The following ANKRD29 variants were observed in gnomAD, a reference collection of about 807,000 sequenced individuals.
The protein encoded by ANKRD29 is ankyrin repeat domain 29, also known as ankyrin repeat domain-containing protein 29.
Under a neutral mutation model 38.0 loss-of-function variants are expected in ANKRD29, and 32 were observed. The observed-to-expected ratio is 0.84, with a 90% CI of 0.64 to 1.13. ANKRD29 has a LOEUF of 1.13. ANKRD29 is among the 50% of genes most tolerant of loss of function. The pLI is 0.00. For missense variants in ANKRD29, 357 were observed against 377.9 expected, an observed-to-expected ratio of 0.94 and a Z score of 0.46; for synonymous variants, 135 against 152.4, an observed-to-expected ratio of 0.89 and a Z score of 0.84.
chr18:23,633,926 G>C (rs1002337205), intron 5 of ANKRD29, 125 bp downstream of exon 5: 2 of 931,586 alleles, frequency 2.1e-6, no homozygotes, highest in African/African-American at 3.3e-5. Context: ...TTTTTCTCTT[G>C]ACTCAGACCC....
intron 9 of ANKRD29, among the ~76,000 whole-genome samples, chr18:23,607,845 G>T (rs567274741): frequency 1.3e-5 from 2 of 152,310 alleles, no homozygotes; most frequent in South Asian, 2.1e-4. Flanking sequence ...CCTGGGAGAA[G>T]ATGTGCTCAG....
At chr18:23,603,648 C>G (rs2059540688) in intron 9 of ANKRD29, among the ~76,000 whole-genome samples, 1 of 151,938 alleles carries the variant, frequency 6.6e-6, no homozygotes, top group South Asian at 2.1e-4. Context: ...AACAAACAAA[C>G]AAAAAAACTG....
intron 9 of ANKRD29, among the ~76,000 whole-genome samples, chr18:23,603,050 T>G (rs1424896528): frequency 6.6e-6 from 1 of 152,242 alleles, no homozygotes; most frequent in Non-Finnish European, 1.5e-5. Context: ...AAATTAAGCT[T>G]CACACAGATA....
intron 1 of ANKRD29, among the ~76,000 whole-genome samples, chr18:23,652,661 C>T (rs1174669769): frequency 2.0e-5 from 3 of 152,266 alleles, no homozygotes; most frequent in Middle Eastern, 3.4e-3. Context: ...AGACAGTGCA[C>T]GTGAAAATAC....
intron 8 of ANKRD29, among the ~76,000 whole-genome samples, chr18:23,616,586 ATATATATACTATATATAC>A (rs1169533392): frequency 7.0e-6 from 1 of 143,332 alleles, no homozygotes; most frequent in African/African-American, 2.6e-5. Flanking sequence ...CAGTATATAT[ATATATATACTATATATAC>A]TATATATATA....
At chr18:23,639,057 T>A in intron 3 of ANKRD29, 110 bp from the exon 4 acceptor site, 4 of 766,368 alleles carry the variant, frequency 5.2e-6, no homozygotes, top group Non-Finnish European at 8.0e-6. Context: ...ACTTCTAGCC[T>A]AGGAAGGGGC....
intron 1 of ANKRD29, among the ~76,000 whole-genome samples, chr18:23,655,294 A>G (rs2060264648): frequency 6.6e-6 from 1 of 152,030 alleles, no homozygotes; most frequent in Non-Finnish European, 1.5e-5. Flanking sequence ...TTTGGAACTT[A>G]GGCGCAACGA....
intron 2 of ANKRD29, chr18:23,647,087 G>C (rs58587838): frequency 6.6e-6 from 1 of 152,306 alleles, no homozygotes; most frequent in South Asian, 2.1e-4. Context: ...CTGCACACAG[G>C]GGAGGCTCAT....
At chr18:23,626,039 A>G (rs568701884) in intron 6 of ANKRD29, among the ~76,000 whole-genome samples, 1 of 152,316 alleles carries the variant, frequency 6.6e-6, no homozygotes, top group South Asian at 2.1e-4. Context: ...ACGAAACAAG[A>G]CAGAGTCCCT....
intron 5 of ANKRD29, among the ~76,000 whole-genome samples, chr18:23,631,487 C>T (rs2059932333): frequency 6.6e-6 from 1 of 152,064 alleles, no homozygotes; most frequent in South Asian, 2.1e-4. Flanking sequence ...CTCAAGCGAT[C>T]CTCCTGCCTC....
rs112727246 is a variant in ANKRD29, at chr18:23,637,116, A to G, written c.330+1733T>C. On this transcript the variant is annotated intron_variant, in intron 4 of 9. Coordinates refer to ENST00000592179, the MANE Select transcript of ANKRD29 (RefSeq NM_173505.4). ...GGCTCATGTACAAAGGCTTTAAGCC[A>G]GTATTCACTCGTTAACCAAGAAGAC... Among the ~76,000 whole-genome samples the G allele has an allele frequency of 4.5e-3, 685 of 152,356 alleles. 6 individuals are homozygous for G. Among genetic ancestry groups the G allele is most frequent in the Middle Eastern group, 0.02 (6 of 294 alleles).
At chr18:23,612,345 T>A (rs12454237) in intron 8 of ANKRD29, among the ~76,000 whole-genome samples, 155 bp from the exon 9 acceptor site, 3,486 of 152,344 alleles carry the variant, frequency 0.023, 65 homozygotes, top group Middle Eastern at 0.048. Flanking sequence ...CATCAGCCCC[T>A]AGTATAGTGT....
intron 9 of ANKRD29, among the ~76,000 whole-genome samples, chr18:23,607,109 T>G (rs2145633053): frequency 6.6e-6 from 1 of 152,300 alleles, no homozygotes. Flanking sequence ...CCTCACTTGT[T>G]AGGAATTGTA....
intron 1 of ANKRD29, among the ~76,000 whole-genome samples, chr18:23,661,070 T>C (rs2060354182): frequency 6.6e-6 from 1 of 152,264 alleles, no homozygotes; most frequent in African/African-American, 2.4e-5. Flanking sequence ...AGATTAGAGA[T>C]GCTTGGTGTA....
rs2060179883 is a variant in ANKRD29, at chr18:23,649,210, A to G, written c.22-17T>C. 1.3e-6 allele frequency: 2 copies of G among 1,593,416 alleles called. No homozygotes were observed. Among genetic ancestry groups the G allele is most frequent in the Non-Finnish European group, 1.7e-6 (2 of 1,164,610 alleles). On this transcript the variant is annotated splice_polypyrimidine_tract_variant and intron_variant, in intron 1 of 9. Transcript: ENST00000592179. ...AGTTTCCTTCTGCAAGAACAAAATG[A>G]AACAGGATCTTAAAATTGATGTCAG...
In ANKRD29 at chr18:23,649,252, T is replaced by A. The variant is rs2060180403; in HGVS notation, c.22-59A>T. ...TGATGTCAGTTAACATGACTGCTGCTATGCACATAGATAATAACATTCAGA... is the reference window on the plus strand; with the variant it reads ...TGATGTCAGTTAACATGACTGCTGCAATGCACATAGATAATAACATTCAGA... On this transcript the variant is annotated intron_variant, in intron 1 of 9. Transcript: ENST00000592179. The A allele has an allele frequency of 2.5e-6, 3 of 1,208,138 alleles. No homozygotes were observed. The African/African-American group carries it at 4.5e-5, about 18-fold the overall frequency. 74.8% of individuals were successfully genotyped at this position (1,208,138 alleles called of 1,614,324 possible).
At chr18:23,631,377 A>C (rs1263810039) in intron 5 of ANKRD29, among the ~76,000 whole-genome samples, 2 of 151,592 alleles carry the variant, frequency 1.3e-5, no homozygotes, top group African/African-American at 2.4e-5. Context: ...AGTTGTTGGG[A>C]CTACAGGCGT....
intron 1 of ANKRD29, among the ~76,000 whole-genome samples, chr18:23,659,839 G>A (rs913053826): frequency 2.6e-5 from 4 of 152,014 alleles, no homozygotes; most frequent in South Asian, 2.1e-4. Context: ...GGCCAGGCGC[G>A]GTGGCCCACG....
At chr18:23,634,241 G>T in intron 4 of ANKRD29, 92 bp from the exon 5 acceptor site, 1 of 770,230 alleles carries the variant, frequency 1.3e-6, no homozygotes, top group Non-Finnish European at 2.0e-6. Flanking sequence ...TTTAGGAAGA[G>T]AGTTTTCCCA....
Sources: allele counts gnomAD v4.1 joint callset (sites outside exome capture counted in the v4.1 genomes callset), GRCh38; gene constraint gnomAD v4.1.1; transcripts MANE v1.5; gene names NCBI Gene and HGNC (gene_info 2026-07-23, HGNC 2026-07-21).